The following SH2D3C variants were observed in gnomAD, a reference collection of about 807,000 sequenced individuals.
SH2D3C encodes the protein SH2 domain containing 3C.
SH2D3C carries 25 observed loss-of-function variants against 75.2 expected under a neutral mutation model. The observed-to-expected ratio is 0.33, with a 90% CI of 0.24 to 0.46. The LOEUF (loss-of-function observed/expected upper bound fraction) is 0.46, where lower values mean the gene tolerates loss of function less well. Ranked by LOEUF, SH2D3C falls within the 20% of genes least tolerant of loss-of-function variation. The probability of loss-of-function intolerance (pLI) is 1.00; values close to 1 mark genes in which losing one functional copy is unlikely to be tolerated. For synonymous variants in SH2D3C, 450 were observed against 473.7 expected (o/e 0.95, Z 0.65); for missense variants, 933 against 1,165.3 (o/e 0.80, Z 2.90).
intron 9 of SH2D3C, 80 bp from the exon 10 acceptor site, chr9:127,740,449 C>T (rs895989639): frequency 7.7e-6 from 7 of 912,914 alleles, no homozygotes; most frequent in Non-Finnish European, 1.3e-5. Context: ...AGTGGACACC[C>T]AGATGTGGGA....
intron 3 of SH2D3C, among the ~76,000 whole-genome samples, chr9:127,758,699 CTT>C (rs924201401): frequency 6.6e-6 from 1 of 152,216 alleles, no homozygotes; most frequent in Non-Finnish European, 1.5e-5. Flanking sequence ...CTCTGCTTAA[CTT>C]TGTCTCCTTT....
intron 2 of SH2D3C, chr9:127,771,084 A>G: frequency 2.2e-6 from 2 of 922,940 alleles, no homozygotes; most frequent in East Asian, 3.0e-5. Context: ...CCTGATGCTA[A>G]CCCCGCCCCC....
intron 3 of SH2D3C, chr9:127,755,312 GGC>G: frequency 1.0e-6 from 1 of 998,430 alleles, no homozygotes; most frequent in Non-Finnish European, 1.3e-6. Context: ...GGGGAGGCGG[GGC>G]GGGGAGACCC....
chr9:127,743,051 A>ATACC, intron 7 of SH2D3C, 87 bp from the exon 8 acceptor site: 1 of 895,372 alleles, frequency 1.1e-6, no homozygotes, highest in South Asian at 1.6e-5. Flanking sequence ...CTAAGGGGGT[A>ATACC]GGTAGCCTGG....
intron 2 of SH2D3C, among the ~76,000 whole-genome samples, chr9:127,763,639 C>T (rs1845578955): frequency 6.6e-6 from 1 of 152,182 alleles, no homozygotes; most frequent in African/African-American, 2.4e-5. Context: ...TTAAGAAAGG[C>T]CTCAGCCTTC....
intron 8 of SH2D3C, chr9:127,742,627 T>G: frequency 2.0e-6 from 1 of 498,718 alleles, no homozygotes; most frequent in African/African-American, 2.0e-5. Context: ...GTCAAGGGGA[T>G]GCGAAAGGAA....
intron 8 of SH2D3C, 106 bp from the exon 9 acceptor site, chr9:127,742,065 C>T: frequency 9.0e-7 from 1 of 1,115,408 alleles, no homozygotes; most frequent in Non-Finnish European, 1.3e-6. Context: ...AGGGCGGAGC[C>T]AACGTGAGAG....
rs568577446 is a variant in SH2D3C, at chr9:127,742,069, G to A, written c.1917-110C>T. ...GGGAGAGGCGGAGGGCGGAGCCAAC[G>A]TGAGAGGTTGTAAGGGTCAATGGGA... On this transcript the variant is annotated intron_variant, in intron 8 of 11. Transcript: ENST00000314830. The A allele has an allele frequency of 4.5e-3, 4,723 of 1,059,448 alleles. 21 individuals carry two copies. Among genetic ancestry groups the A allele is most frequent in the Non-Finnish European group, 4.8e-3 (3,632 of 749,282 alleles). 65.6% of individuals were successfully genotyped at this position (1,059,448 alleles called of 1,614,324 possible).
rs1477489119 is a variant in SH2D3C at position 127,741,776 on chromosome 9, G to A, written c.2088+12C>T. 3 of 1,612,072 alleles carry A rather than the reference G, an allele frequency of 1.9e-6. No homozygotes were observed. Among genetic ancestry groups the A allele is most frequent in the Non-Finnish European group, 2.5e-6 (3 of 1,179,382 alleles). On this transcript the variant is annotated intron_variant, in intron 9 of 11. Coordinates refer to ENST00000314830, the MANE Select transcript of SH2D3C (RefSeq NM_170600.3). ...AGTCTACCGGGTGCCAGCTCTGCGCGGCTCTCAGTACCTGGGCCATGTCCA... is the reference window on the plus strand; with the variant it reads ...AGTCTACCGGGTGCCAGCTCTGCGCAGCTCTCAGTACCTGGGCCATGTCCA...
intron 2 of SH2D3C, among the ~76,000 whole-genome samples, chr9:127,769,834 T>C (rs2131806413): frequency 6.6e-6 from 1 of 152,282 alleles, no homozygotes; most frequent in African/African-American, 2.4e-5. Flanking sequence ...TTCCCCTCTC[T>C]GAGTCTCAGT....
Position 127,762,147 on chromosome 9 carries a change from G to A in SH2D3C, c.516-497C>T, listed in dbSNP as rs954971876. On this transcript the variant is annotated intron_variant, in intron 2 of 11. Transcript: ENST00000314830. The stretch of plus-strand genomic sequence containing the variant: ...CTGCACTCACTTCCTAGGGTAGAGT[G>A]ACCCAGTCACGGCCACTGCCCAGCT... The A allele has an allele frequency of 3.4e-6, 4 of 1,159,686 alleles. No homozygotes were observed. The African/African-American group carries it at 6.5e-5, about 19-fold the overall frequency. The allele number at this position is 1,159,686 out of a possible 1,614,324, so 71.8% of individuals were successfully genotyped here. A position where few individuals can be genotyped will look rare whatever the true frequency, so the allele number is the denominator to read the frequency against.
In SH2D3C at chr9:127,739,067, T is replaced by C. The variant is rs1263748080; in HGVS notation, c.2408-146A>G. 3.5e-5 allele frequency: 20 copies of C among 576,562 alleles called. No homozygotes were observed. The highest frequency in any genetic ancestry group is 5.3e-5 in the Non-Finnish European group (19 of 356,440). The allele number at this position is 576,562 out of a possible 1,614,324, so 35.7% of individuals were successfully genotyped here. A position where few individuals can be genotyped will look rare whatever the true frequency, so the allele number is the denominator to read the frequency against. On this transcript the variant is annotated intron_variant, in intron 11 of 11. Transcript: ENST00000314830. This position sits in a 1 kb window ranked among gnomAD's most constrained non-coding sequence, Gnocchi z 4.3. The stretch of plus-strand genomic sequence containing the variant: ...TGTGAATCAACACGACCCTGTAGTT[T>C]AGCATCTTTGTCCTGTTATTTGCAG...
In SH2D3C at chr9:127,739,589, T is replaced by A. The variant is rs564875724; in HGVS notation, c.2407+93A>T. On this transcript the variant is annotated intron_variant, in intron 11 of 11. Transcript: ENST00000314830. The surrounding 1 kb of genome is among the most constrained non-coding windows in gnomAD (Gnocchi z 4.3). Reference sequence around the variant, plus strand: ...AGGGCAGGACAGAGGAGTGGAGAAATGTGAATGGATGCCTTGGAGAAAAGG... The same window carrying A: ...AGGGCAGGACAGAGGAGTGGAGAAAAGTGAATGGATGCCTTGGAGAAAAGG... 3.6e-4 allele frequency: 407 copies of A among 1,132,464 alleles called. 2 individuals are homozygous for A. In the African/African-American group the frequency reaches 5.7e-3, roughly 16 times the overall value. The allele number at this position is 1,132,464 out of a possible 1,614,324, so 70.2% of individuals were successfully genotyped here.
At chr9:127,746,767 G>A (rs770765612) in intron 6 of SH2D3C, among the ~76,000 whole-genome samples, 5 of 152,098 alleles carry the variant, frequency 3.3e-5, no homozygotes, top group African/African-American at 7.2e-5. Flanking sequence ...ACGAAACACC[G>A]TCTCTACTAA....
rs1845311543 is a variant in SH2D3C, at chr9:127,754,763, G to A, written c.556-3463C>T. ...AGCGTACCAGGCGGAGGACCGGCAG[G>A]ACGCCGGAGACCCCATCTCCCAGTC... On this transcript the variant is annotated intron_variant, in intron 3 of 11. Transcript: ENST00000314830. The surrounding 1 kb of genome is among the most constrained non-coding windows in gnomAD (Gnocchi z 4.4). 1 of 468,614 alleles carries A rather than the reference G, an allele frequency of 2.1e-6. No individual in the cohort carries two copies. Among genetic ancestry groups the A allele is most frequent in the South Asian group, 1.6e-5 (1 of 63,854 alleles). 29.0% of individuals were successfully genotyped at this position (468,614 alleles called of 1,614,324 possible). A position where few individuals can be genotyped will look rare whatever the true frequency, so the allele number is the denominator to read the frequency against.
chr9:127,767,252 T>C, intron 2 of SH2D3C: 2 of 1,466,358 alleles, frequency 1.4e-6, no homozygotes, highest in Non-Finnish European at 1.8e-6. Context: ...CCCTGACAGC[T>C]GCCACCCAAG....
intron 3 of SH2D3C, among the ~76,000 whole-genome samples, chr9:127,756,801 A>G (rs151304841): frequency 7.1e-4 from 108 of 151,760 alleles, no homozygotes; most frequent in African/African-American, 2.4e-3. Context: ...GCCTGCCACC[A>G]TGCCCGCTAA....
chr9:127,755,570 G>A (rs1387184636), intron 3 of SH2D3C, among the ~76,000 whole-genome samples: 2 of 152,180 alleles, frequency 1.3e-5, no homozygotes, highest in African/African-American at 2.4e-5. Context: ...GACCGGGAGC[G>A]GGCAGAGACT....
chr9:127,762,537 C>G, intron 2 of SH2D3C: 1 of 425,058 alleles, frequency 2.4e-6, no homozygotes, highest in Non-Finnish European at 4.8e-6. Context: ...GGCCAAAAAC[C>G]CTGTGGTCCT....
Sources: gnomAD v4.1 joint callset for allele counts (sites outside exome capture counted in the v4.1 genomes callset) on GRCh38, gnomAD v4.1.1 for gene constraint, Gnocchi (gnomAD v3.1) non-coding constraint, MANE v1.5 for transcripts, NCBI Gene and HGNC (gene_info 2026-07-23, HGNC 2026-07-21) for gene names.